SORL1: variants seen among roughly 807,000 people sequenced by gnomAD.
SORL1 encodes sortilin related receptor 1, also known as sortilin-related receptor.
Under a neutral mutation model 273.7 loss-of-function variants are expected in SORL1, and 127 were observed. The observed-to-expected ratio is 0.46, with a 90% CI of 0.40 to 0.54. SORL1 has a LOEUF of 0.54. Ranked by LOEUF, SORL1 falls within the 20% of genes least tolerant of loss-of-function variation. The pLI, the probability that SORL1 is intolerant of heterozygous loss-of-function variation, is 0.00. For missense variants in SORL1, 2,494 were observed against 2,846.1 expected, an observed-to-expected ratio of 0.88 and a Z score of 2.81; for synonymous variants, 1,031 against 1,067.4, an observed-to-expected ratio of 0.97 and a Z score of 0.66.
At chr11:121,620,616 GC>G (rs1335656009) in intron 43 of SORL1, among the ~76,000 whole-genome samples, 1 of 151,356 alleles carries the variant, frequency 6.6e-6, no homozygotes, top group Non-Finnish European at 1.5e-5. Flanking sequence ...TTTTCCCCTT[GC>G]CCCCCTATAC....
chr11:121,480,715 C>T (rs1861360553), intron 3 of SORL1, among the ~76,000 whole-genome samples: 1 of 144,210 alleles, frequency 6.9e-6, no homozygotes, highest in Non-Finnish European at 1.5e-5. Flanking sequence ...TCCTCCTCCC[C>T]AGCTCCTCCC....
intron 22 of SORL1, among the ~76,000 whole-genome samples, chr11:121,567,617 G>C (rs1336658157): frequency 6.6e-6 from 1 of 152,238 alleles, no homozygotes; most frequent in African/African-American, 2.4e-5. Context: ...TGTTTGCAAA[G>C]CACTTTGAGT....
intron 6 of SORL1, among the ~76,000 whole-genome samples, chr11:121,509,378 C>A (rs941345802): frequency 6.6e-6 from 1 of 152,182 alleles, no homozygotes; most frequent in Non-Finnish European, 1.5e-5. Context: ...CTTTACTCCT[C>A]TTTTCTCCTT....
chr11:121,555,853 C>T (rs913501348), intron 18 of SORL1, among the ~76,000 whole-genome samples: 4 of 151,978 alleles, frequency 2.6e-5, no homozygotes, highest in African/African-American at 4.8e-5. Context: ...GATGAGTGAC[C>T]TCTAAACTGC....
chr11:121,606,050 A>G (rs1381063665), intron 35 of SORL1, among the ~76,000 whole-genome samples: 5 of 152,168 alleles, frequency 3.3e-5, no homozygotes, highest in Admixed American at 1.3e-4. Context: ...AGCCTCTCGC[A>G]TAGCTGAGAC....
intron 2 of SORL1, among the ~76,000 whole-genome samples, chr11:121,477,420 C>G (rs1001128604): frequency 1.2e-4 from 19 of 152,214 alleles, no homozygotes; most frequent in African/African-American, 4.6e-4. Flanking sequence ...ATCCTCCGTT[C>G]CATTCCCCTC....
intron 24 of SORL1, among the ~76,000 whole-genome samples, chr11:121,575,078 A>G (rs968664267): frequency 1.1e-4 from 16 of 152,254 alleles, no homozygotes; most frequent in African/African-American, 3.9e-4. Context: ...AGTGGGTTAC[A>G]ATTCCAAGGA....
intron 5 of SORL1, among the ~76,000 whole-genome samples, chr11:121,492,902 C>A (rs1181863180): frequency 6.6e-6 from 1 of 150,398 alleles, no homozygotes; most frequent in Non-Finnish European, 1.5e-5. Context: ...CTCCAGGGTT[C>A]AAGCAATTCT....
chr11:121,621,002 C>A, intron 43 of SORL1, 62 bp from the exon 44 acceptor site: 1 of 1,265,926 alleles, frequency 7.9e-7, no homozygotes, highest in Non-Finnish European at 1.1e-6. Flanking sequence ...CACCATTGAA[C>A]TACAAAGAGT....
Position 121,496,531 on chromosome 11 carries a change from G to A in SORL1, c.759-338G>A, listed in dbSNP as rs144590409. Among the ~76,000 whole-genome samples, 229 of 152,332 alleles carry A rather than the reference G, an allele frequency of 1.5e-3. 1 individual carries two copies. The highest frequency in any genetic ancestry group is 0.012 in the Admixed American group (185 of 15,298). Reference sequence around the variant, plus strand: ...CTCTGAGATTCATAACTTTAGACCAGAAACTTGCTTATAGCTTCAAGCAGT... The same window carrying A: ...CTCTGAGATTCATAACTTTAGACCAAAAACTTGCTTATAGCTTCAAGCAGT... On this transcript the variant is annotated intron_variant, in intron 5 of 47. Transcript: ENST00000260197.
chr11:121,619,302 A>AT (rs1863687133), intron 42 of SORL1, among the ~76,000 whole-genome samples: 1 of 152,230 alleles, frequency 6.6e-6, no homozygotes, highest in African/African-American at 2.4e-5. Context: ...CTGGTTAAAC[A>AT]TATCATGGTT....
chr11:121,493,186 C>T (rs560613456), intron 5 of SORL1, among the ~76,000 whole-genome samples: 22 of 152,092 alleles, frequency 1.4e-4, no homozygotes, highest in Non-Finnish European at 2.5e-4. Flanking sequence ...CCCTATGTTT[C>T]CCAGGCTGAT....
rs1862411298 is a variant in SORL1 at position 121,545,425 on chromosome 11, G to A, written c.2047G>A (p.Glu683Lys). Residue 683 changes from glutamate to lysine, a missense_variant, in exon 14 of 48, where the codon GAG becomes AAG. By Grantham distance (56) the Glu-to-Lys change is moderately conservative. Around this residue, in one of 3 missense-constraint regions of SORL1, gnomAD observed 710 missense variants for 882.5 expected, o/e 0.80. Coordinates refer to ENST00000260197, the MANE Select transcript of SORL1 (RefSeq NM_003105.6). Reference sequence around the variant, plus strand: ...CTGCTCCTGCACCCGGGAGGACTATGAGTGGTCAGTTCTTCTTTGATGGCT... The same window carrying A: ...CTGCTCCTGCACCCGGGAGGACTATAAGTGGTCAGTTCTTCTTTGATGGCT... ...SNCSCTREDYECDFGFKMSED... is the reference protein window; with the variant it reads ...SNCSCTREDYKCDFGFKMSED... The A allele has an allele frequency of 2.5e-6, 4 of 1,613,904 alleles. No individual in the cohort carries two copies. In the South Asian group the frequency reaches 4.4e-5, roughly 18 times the overall value.
intron 40 of SORL1, 178 bp from the exon 41 acceptor site, chr11:121,614,693 G>A (rs188447527): frequency 1.2e-5 from 7 of 584,806 alleles, no homozygotes; most frequent in African/African-American, 5.7e-5. Context: ...GTTACGTACC[G>A]TCATCATCAG....
chr11:121,607,039 A>C, intron 36 of SORL1, 82 bp downstream of exon 36: 1 of 1,188,486 alleles, frequency 8.4e-7, no homozygotes, highest in Non-Finnish European at 1.3e-6. Flanking sequence ...GAGGGGGTTG[A>C]TTTGGTTTAG....
chr11:121,629,698 A>C lies in SORL1; in HGVS notation c.*135A>C, dbSNP rs552625587. The C allele has an allele frequency of 3.1e-5, 19 of 604,908 alleles. 1 individual carries two copies. In the East Asian group the frequency reaches 3.3e-4, roughly 11 times the overall value. The allele number at this position is 604,908 out of a possible 1,614,324, so 37.5% of individuals were successfully genotyped here. Reference sequence around the variant, plus strand: ...TGGGCCAAAAACAAAAAACAAAAAAAAAAAAAAGGAAAGAAAGGAATGAAT... The same window carrying C: ...TGGGCCAAAAACAAAAAACAAAAAACAAAAAAAGGAAAGAAAGGAATGAAT... On this transcript the variant is annotated 3_prime_UTR_variant, in exon 48 of 48. Transcript: ENST00000260197.
At chr11:121,506,401 G>C (rs140207450) in intron 6 of SORL1, among the ~76,000 whole-genome samples, 42 of 152,252 alleles carry the variant, frequency 2.8e-4, no homozygotes, top group African/African-American at 9.6e-4. Context: ...TCACAATCAT[G>C]GTGGAAGGCA....
In SORL1 at chr11:121,604,333, C is replaced by T. The variant is rs772020215; in HGVS notation, c.4651+9C>T. 1.5e-5 allele frequency: 21 copies of T among 1,438,510 alleles called. No individual in the cohort carries two copies. The highest frequency in any genetic ancestry group is 4.6e-5 in the South Asian group (4 of 87,804). The allele number at this position is 1,438,510 out of a possible 1,614,324, so 89.1% of individuals were successfully genotyped here. A position where few individuals can be genotyped will look rare whatever the true frequency, so the allele number is the denominator to read the frequency against. ...TGAAAAGGCCTGCAGTGGTGAGTGC[C>T]GGTCCACGGGCTGGGCTGGGCTGGG... On this transcript the variant is annotated intron_variant, in intron 33 of 47. Coordinates refer to ENST00000260197, the MANE Select transcript of SORL1 (RefSeq NM_003105.6).
chr11:121,545,041 G>T (rs1209420252), intron 13 of SORL1, among the ~76,000 whole-genome samples: 1 of 152,198 alleles, frequency 6.6e-6, no homozygotes, highest in African/African-American at 2.4e-5. Context: ...ACTTTTCCAG[G>T]CAGATGCCTG....
Sources: gnomAD v4.1 joint callset for allele counts (sites outside exome capture counted in the v4.1 genomes callset) on GRCh38, gnomAD v4.1.1 for gene constraint, gnomAD v4.1.1 regional missense constraint, MANE v1.5 for transcripts, NCBI Gene and HGNC (gene_info 2026-07-23, HGNC 2026-07-21) for gene names.